The following DOCK1 variants were observed in gnomAD, a reference collection of about 807,000 sequenced individuals.
DOCK1 encodes dedicator of cytokinesis 1, also known as dedicator of cytokinesis protein 1.
Under a neutral mutation model 262.7 loss-of-function variants are expected in DOCK1, and 138 were observed. The ratio of observed to expected loss-of-function variants is 0.53; its 90% CI spans 0.46 to 0.61. The LOEUF is 0.61. Among genes scored for constraint, DOCK1 ranks in the 20% least tolerant of loss-of-function variants. The pLI is 0.00. For synonymous variants in DOCK1, 866 were observed against 867.4 expected, an observed-to-expected ratio of 1.00 and a Z score of 0.03; for missense variants, 1,908 against 2,370.7, an observed-to-expected ratio of 0.80 and a Z score of 4.05.
chr10:127,080,898 T>G (rs1263399207), intron 23 of DOCK1, among the ~76,000 whole-genome samples: 2 of 152,182 alleles, frequency 1.3e-5, no homozygotes, highest in East Asian at 1.9e-4. Context: ...AGTCGTTAGC[T>G]CATAATTGTT....
intron 25 of DOCK1, among the ~76,000 whole-genome samples, chr10:127,110,923 A>G (rs1391161339): frequency 2.0e-5 from 3 of 152,214 alleles, no homozygotes; most frequent in African/African-American, 7.2e-5. Flanking sequence ...ACCCTTGTCA[A>G]GCAGTTTTAT....
At chr10:126,936,447 A>G (rs2034562297) in intron 1 of DOCK1, among the ~76,000 whole-genome samples, 1 of 152,228 alleles carries the variant, frequency 6.6e-6, no homozygotes, top group Admixed American at 6.5e-5. Flanking sequence ...AACTTTATTT[A>G]TAGACAGTGA....
intron 1 of DOCK1, among the ~76,000 whole-genome samples, chr10:126,946,274 C>T (rs1028167097): frequency 0.033 from 4,986 of 152,256 alleles, 314 homozygotes; most frequent in African/African-American, 0.11. Context: ...TGGCCAGACA[C>T]GGTAGCTCAT....
intron 27 of DOCK1, among the ~76,000 whole-genome samples, chr10:127,145,527 G>A (rs565053240): frequency 2.6e-5 from 4 of 152,052 alleles, no homozygotes; most frequent in Admixed American, 6.5e-5. Flanking sequence ...GATGACACAG[G>A]GCTGTTGTCC....
intron 6 of DOCK1, among the ~76,000 whole-genome samples, chr10:126,993,131 A>G (rs1028811976): frequency 6.6e-6 from 1 of 152,236 alleles, no homozygotes; most frequent in Non-Finnish European, 1.5e-5. Context: ...CCTTTGTGCA[A>G]TGGGTCTGAC....
intron 27 of DOCK1, among the ~76,000 whole-genome samples, chr10:127,145,559 G>A (rs1293546298): frequency 6.6e-6 from 1 of 152,184 alleles, no homozygotes; most frequent in Non-Finnish European, 1.5e-5. Flanking sequence ...GCTGGTTGCT[G>A]TGAGTCCCTC....
In DOCK1 at chr10:127,219,826, G is replaced by A. The variant is rs531652840; in HGVS notation, c.2848-28182G>A. The stretch of plus-strand genomic sequence containing the variant: ...CTATCCTACACTCTATCCCATCCCC[G>A]TCTTCAGCCCATCCTGTTTGGTGAC... On this transcript the variant is annotated intron_variant, in intron 27 of 51. Transcript: ENST00000623213. Among the ~76,000 whole-genome samples, 14 of 151,998 alleles carry A rather than the reference G, an allele frequency of 9.2e-5. 1 individual carries two copies. The South Asian group carries it at 1.5e-3, about 16-fold the overall frequency.
In DOCK1 at chr10:127,061,667, G is replaced by A; in HGVS notation, c.2337-1G>A. 1 of 1,593,488 alleles carries A rather than the reference G, an allele frequency of 6.3e-7. No individual in the cohort carries two copies. Among genetic ancestry groups the A allele is most frequent in the Non-Finnish European group, 8.5e-7 (1 of 1,169,674 alleles). ...CCCACAGTTTGTGTGTTTCTTTGCA[G>A]ACTGTATGAAAACAAGGGAGAGGCT... On this transcript the variant is annotated splice_acceptor_variant, in intron 22 of 51. Transcript: ENST00000623213. LOFTEE classifies it high-confidence loss of function.
chr10:127,366,293 A>G (rs761612761), intron 33 of DOCK1, among the ~76,000 whole-genome samples: 1 of 152,046 alleles, frequency 6.6e-6, no homozygotes. Flanking sequence ...TGTAATTGGG[A>G]AAAGATCAGT....
intron 1 of DOCK1, among the ~76,000 whole-genome samples, chr10:126,962,952 A>G (rs1053483658): frequency 1.3e-5 from 2 of 152,112 alleles, no homozygotes. Flanking sequence ...GTGGATATCC[A>G]GTTTTCCCAG....
intron 23 of DOCK1, among the ~76,000 whole-genome samples, chr10:127,097,199 C>G (rs1161109752): frequency 6.6e-6 from 1 of 152,178 alleles, no homozygotes; most frequent in Admixed American, 6.5e-5. Flanking sequence ...CCTGTTTCTT[C>G]TTTTCCCTCT....
At chr10:126,972,384 A>G (rs1318681469) in intron 2 of DOCK1, among the ~76,000 whole-genome samples, 1 of 152,124 alleles carries the variant, frequency 6.6e-6, no homozygotes, top group African/African-American at 2.4e-5. Flanking sequence ...GGAAGAAATG[A>G]TGGGCTTGAT....
chr10:127,002,341 ATTTC>A (rs1209793372), intron 10 of DOCK1, among the ~76,000 whole-genome samples: 1 of 152,228 alleles, frequency 6.6e-6, no homozygotes, highest in African/African-American at 2.4e-5. Context: ...GCGTAGTTAT[ATTTC>A]TTAAAGATGA....
chr10:126,949,888 G>A (rs1040640418), intron 1 of DOCK1, among the ~76,000 whole-genome samples: 1 of 152,022 alleles, frequency 6.6e-6, no homozygotes, highest in African/African-American at 2.4e-5. Flanking sequence ...TCTGGCTCTC[G>A]ATGGGAGGGC....
chr10:127,038,541 C>T (rs369021555), intron 19 of DOCK1, among the ~76,000 whole-genome samples: 107 of 152,264 alleles, frequency 7.0e-4, no homozygotes, highest in Non-Finnish European at 1.1e-3. Context: ...CATCAGCATT[C>T]GTACTAGACT....
At position 127,446,391 on chromosome 10, in the gene DOCK1, G is replaced by A. The variant is rs1292078388; in HGVS notation, c.5414-1003G>A. Among the ~76,000 whole-genome samples, 1 of 152,160 alleles carries A rather than the reference G, an allele frequency of 6.6e-6. No homozygotes were observed. Among genetic ancestry groups the A allele is most frequent in the African/African-American group, 2.4e-5 (1 of 41,438 alleles). On this transcript the variant is annotated intron_variant, in intron 50 of 51. Transcript: ENST00000623213. The surrounding 1 kb of genome is among the most constrained non-coding windows in gnomAD (Gnocchi z 4.4). Reference sequence around the variant, plus strand: ...GTTTCAGAAATACATCATGGTGATGGTTATCCCCCACGGTCGATGTGATTA... The same window carrying A: ...GTTTCAGAAATACATCATGGTGATGATTATCCCCCACGGTCGATGTGATTA...
intron 29 of DOCK1, among the ~76,000 whole-genome samples, chr10:127,277,865 C>A (rs1199281566): frequency 6.6e-6 from 1 of 152,200 alleles, no homozygotes; most frequent in African/African-American, 2.4e-5. Context: ...AGCAGTTTTT[C>A]AAGTGAGTCA....
chr10:127,448,576 C>G (rs1565100315), intron 51 of DOCK1, among the ~76,000 whole-genome samples: 1 of 152,214 alleles, frequency 6.6e-6, no homozygotes, highest in African/African-American at 2.4e-5. Flanking sequence ...GCGGGAACTT[C>G]TGCTTCTAGG....
At position 127,175,176 on chromosome 10, in the gene DOCK1, T is replaced by C. The variant is rs1483677953; in HGVS notation, c.2847+47412T>C. On this transcript the variant is annotated intron_variant, in intron 27 of 51. Coordinates refer to ENST00000623213, the MANE Select transcript of DOCK1 (RefSeq NM_001290223.2). This position sits in a 1 kb window ranked among gnomAD's most constrained non-coding sequence, Gnocchi z 6.3. ...CAGATGGACTCTGTGGTGATCAGCC[T>C]GCATAGCTTCCTAAGACATGGGTGA... The C allele has an allele frequency of 1.3e-6, 2 of 1,547,994 alleles. No homozygotes were observed. Among genetic ancestry groups the C allele is most frequent in the Middle Eastern group, 1.7e-4 (1 of 5,798 alleles).
Sources: allele counts gnomAD v4.1 joint callset (sites outside exome capture counted in the v4.1 genomes callset), GRCh38; gene constraint gnomAD v4.1.1; non-coding constraint Gnocchi (gnomAD v3.1); transcripts MANE v1.5; gene names NCBI Gene and HGNC (gene_info 2026-07-23, HGNC 2026-07-21).